TMEM9B: variants seen among roughly 807,000 people sequenced by gnomAD.
TMEM9B encodes TMEM9 domain family member B, also known as transmembrane protein 9B.
Under a neutral mutation model 23.5 loss-of-function variants are expected in TMEM9B, and 8 were observed. The observed-to-expected ratio is 0.34, with a 90% confidence interval of 0.20 to 0.61. TMEM9B has a LOEUF of 0.61. Ranked by LOEUF, TMEM9B falls within the 20% of genes least tolerant of loss-of-function variation. The pLI is 0.78. For synonymous variants in TMEM9B, 106 were observed against 96.3 expected (o/e 1.10, Z -0.59); for missense variants, 197 against 252.3 (o/e 0.78, Z 1.49).
chr11:8,958,271 A>C (rs1854009799), intron 2 of TMEM9B, among the ~76,000 whole-genome samples: 1 of 151,080 alleles, frequency 6.6e-6, no homozygotes, highest in African/African-American at 2.4e-5. Flanking sequence ...GACCTGCCTG[A>C]CCAACAGGGT....
chr11:8,955,121 A>T (rs1853950214), intron 3 of TMEM9B, among the ~76,000 whole-genome samples: 1 of 144,326 alleles, frequency 6.9e-6, no homozygotes, highest in African/African-American at 2.6e-5. Context: ...ACTGCACTCC[A>T]GCCTGGGCAA....
At chr11:8,951,643 A>G (rs1274593703) in intron 4 of TMEM9B, among the ~76,000 whole-genome samples, 1 of 151,688 alleles carries the variant, frequency 6.6e-6, no homozygotes, top group Non-Finnish European at 1.5e-5. Context: ...CTGTAGTTCC[A>G]GCTACTTGGG....
intron 1 of TMEM9B, among the ~76,000 whole-genome samples, 176 bp from the exon 2 acceptor site, chr11:8,962,359 C>T (rs1469542385): frequency 6.6e-6 from 1 of 152,080 alleles, no homozygotes; most frequent in Non-Finnish European, 1.5e-5. Flanking sequence ...TATGGTAATG[C>T]CAATGAATCA....
chr11:8,955,082 C>T (rs113235236), intron 3 of TMEM9B, among the ~76,000 whole-genome samples: 53 of 145,948 alleles, frequency 3.6e-4, no homozygotes, highest in African/African-American at 1.3e-3. Flanking sequence ...ACCCAGGAGG[C>T]GGAGGTTGCA....
At chr11:8,963,470 CACCAGAG>C (rs1854116560) in intron 1 of TMEM9B, among the ~76,000 whole-genome samples, 1 of 152,198 alleles carries the variant, frequency 6.6e-6, no homozygotes, top group African/African-American at 2.4e-5. Context: ...AGAGCTGGGG[CACCAGAG>C]AACAGTATGA....
At chr11:8,961,577 C>G (rs963026602) in intron 2 of TMEM9B, among the ~76,000 whole-genome samples, 1 of 152,222 alleles carries the variant, frequency 6.6e-6, no homozygotes, top group Non-Finnish European at 1.5e-5. Flanking sequence ...AGGTCAATAT[C>G]TTGGCACAAC....
At position 8,964,369 on chromosome 11, in the gene TMEM9B, GGGCTCA is replaced by G. The variant is rs3833778; in HGVS notation, c.-62_-57del. ...AGCCCCCGCGACCGGCTCCCGGCTCGGGCTCAGGCTCAGGCTCAGGCTCAGGCACAG... is the reference window on the plus strand; with the variant it reads ...AGCCCCCGCGACCGGCTCCCGGCTCGGGCTCAGGCTCAGGCTCAGGCACAG... On this transcript the variant is annotated 5_prime_UTR_variant, in exon 1 of 5. Coordinates refer to ENST00000534025, the MANE Select transcript of TMEM9B (RefSeq NM_020644.3). 2,281 of 1,516,130 alleles carry G rather than the reference GGGCTCA, an allele frequency of 1.5e-3. 13 individuals carry two copies. In the African/African-American group the frequency reaches 0.02, roughly 13 times the overall value. 93.9% of individuals were successfully genotyped at this position (1,516,130 alleles called of 1,614,324 possible). A position where few individuals can be genotyped will look rare whatever the true frequency, so the allele number is the denominator to read the frequency against.
chr11:8,962,039 C>A, intron 2 of TMEM9B, 53 bp downstream of exon 2: 1 of 1,179,154 alleles, frequency 8.5e-7, no homozygotes. Context: ...TGGGATAACA[C>A]TGACAACCAC....
At chr11:8,951,731 CG>C in intron 4 of TMEM9B, among the ~76,000 whole-genome samples, 1 of 143,620 alleles carries the variant, frequency 7.0e-6, no homozygotes, top group East Asian at 2.1e-4. Flanking sequence ...GCAGTCCAGC[CG>C]GGGCAACAGA....
In TMEM9B at chr11:8,953,284, T is replaced by A. The variant is rs1281788325; in HGVS notation, c.360A>T (p.Val120=). Residue 120 remains valine (V), a synonymous_variant, in exon 4 of 5, where the codon GTA becomes GTT. Transcript: ENST00000534025. ...GTATGGGCTCAACCAGAGTAAGATA[T>A]ACCATGTACAGAAGTAGAAGGCCCA... is the stretch of plus-strand genomic sequence containing the variant. ...SILGLLLLYM[V]YLTLVEPILK... is the part of the protein sequence containing the mutation. 8.1e-6 allele frequency: 13 copies of A among 1,614,058 alleles called. No homozygotes were observed. Among genetic ancestry groups the A allele is most frequent in the Non-Finnish European group, 1.1e-5 (13 of 1,179,946 alleles).
intron 3 of TMEM9B, among the ~76,000 whole-genome samples, chr11:8,955,065 C>T (rs1397095383): frequency 1.3e-5 from 2 of 150,234 alleles, no homozygotes; most frequent in Non-Finnish European, 2.9e-5. Context: ...GCAGGAGAAT[C>T]GCTTGGACCC....
intron 4 of TMEM9B, among the ~76,000 whole-genome samples, chr11:8,948,938 T>G (rs1289240353): frequency 6.6e-6 from 1 of 152,252 alleles, no homozygotes; most frequent in Non-Finnish European, 1.5e-5. Context: ...TTTAATTTCC[T>G]GTCTCCATTA....
chr11:8,960,370 G>C (rs1424139183), intron 2 of TMEM9B, among the ~76,000 whole-genome samples: 2 of 152,032 alleles, frequency 1.3e-5, no homozygotes, highest in East Asian at 3.9e-4. Context: ...TTGAACTCCT[G>C]GCCTCAAGTG....
At chr11:8,963,624 A>C (rs1054159146) in intron 1 of TMEM9B, among the ~76,000 whole-genome samples, 1 of 152,226 alleles carries the variant, frequency 6.6e-6, no homozygotes, top group East Asian at 1.9e-4. Context: ...GGAGGGAGTT[A>C]GGTGAGAATA....
intron 2 of TMEM9B, 123 bp from the exon 3 acceptor site, chr11:8,956,421 A>G: frequency 7.5e-6 from 5 of 664,082 alleles, no homozygotes; most frequent in South Asian, 6.3e-5. Context: ...TAAAAAACAA[A>G]TAATCAATAA....
rs932356479 is a variant in TMEM9B, at chr11:8,947,554, G to A, written c.*766C>T. The A allele has an allele frequency of 3.3e-5, 5 of 152,578 alleles. No individual in the cohort carries two copies. Among genetic ancestry groups the A allele is most frequent in the African/African-American group, 1.2e-4 (5 of 41,444 alleles). The allele number at this position is 152,578 out of a possible 1,614,324, so 9.5% of individuals were successfully genotyped here. On this transcript the variant is annotated 3_prime_UTR_variant, in exon 5 of 5. Coordinates refer to ENST00000534025, the MANE Select transcript of TMEM9B (RefSeq NM_020644.3). ...GCAAGTGTCCAAGTCCTTAGGATTTGTCCTTAAAGGTACTAGAAGATGAGT... is the reference window on the plus strand; with the variant it reads ...GCAAGTGTCCAAGTCCTTAGGATTTATCCTTAAAGGTACTAGAAGATGAGT...
rs1443854393 is a variant in TMEM9B at position 8,957,331 on chromosome 11, G to T, written c.198-1033C>A. On this transcript the variant is annotated intron_variant, in intron 2 of 4. Coordinates refer to ENST00000534025, the MANE Select transcript of TMEM9B (RefSeq NM_020644.3). This position sits in a 1 kb window ranked among gnomAD's most constrained non-coding sequence, Gnocchi z 4.3. Reference sequence around the variant, plus strand: ...GGTTTGTGTAAACACAGTGCTATCAGATTTTTCCTAGAAATCTGTCAATTC... The same window carrying T: ...GGTTTGTGTAAACACAGTGCTATCATATTTTTCCTAGAAATCTGTCAATTC... Among the ~76,000 whole-genome samples the T allele has an allele frequency of 6.6e-6, 1 of 152,190 alleles. No individual in the cohort carries two copies. Among genetic ancestry groups the T allele is most frequent in the African/African-American group, 2.4e-5 (1 of 41,452 alleles).
intron 1 of TMEM9B, among the ~76,000 whole-genome samples, chr11:8,963,411 GCTCATCAAAGAGGAAGCA>G (rs1447895947): frequency 6.6e-6 from 1 of 152,226 alleles, no homozygotes; most frequent in Non-Finnish European, 1.5e-5. Context: ...TGATGAGCTA[GCTCATCAAAGAGGAAGCA>G]CAGGTATGCA....
At chr11:8,964,650 A>T (rs1348809400), upstream of TMEM9B, 1 of 334,106 alleles carries the variant, frequency 3.0e-6, no homozygotes. Flanking sequence ...CGGGCGCAGA[A>T]GCTGCGGGGC....
Sources: allele counts gnomAD v4.1 joint callset (sites outside exome capture counted in the v4.1 genomes callset), GRCh38; gene constraint gnomAD v4.1.1; non-coding constraint Gnocchi (gnomAD v3.1); transcripts MANE v1.5; gene names NCBI Gene and HGNC (gene_info 2026-07-23, HGNC 2026-07-21).